Variants in RMDN3 observed in about 807,000 individuals in gnomAD.
RMDN3 encodes regulator of microtubule dynamics 3, also known as regulator of microtubule dynamics protein 3.
RMDN3 carries 41 observed loss-of-function variants against 61.8 expected under a neutral mutation model. The observed-to-expected ratio is 0.66, with a 90% CI of 0.52 to 0.86. The LOEUF is 0.86. Among genes scored for constraint, RMDN3 ranks in the 40% least tolerant of loss-of-function variants. The pLI is 0.00. For missense variants in RMDN3, 557 were observed against 585.3 expected (o/e 0.95, Z 0.50); for synonymous variants, 247 against 232.0 (o/e 1.06, Z -0.59).
At chr15:40,737,052 C>T in intron 12 of RMDN3, 72 bp downstream of exon 12, 7 of 1,202,088 alleles carry the variant, frequency 5.8e-6, no homozygotes, top group Non-Finnish European at 7.4e-6. Context: ...GGGGTTTCTC[C>T]ATGTTGGTCA....
chr15:40,736,207 C>T lies in RMDN3; in HGVS notation c.*334G>A, dbSNP rs1233515967. ...CAAGTTATGTGCTTTGTTCCTATAG[C>T]TTTGAAGTTCATCCACCTCACCAGC... On this transcript the variant is annotated 3_prime_UTR_variant, in exon 13 of 13. Transcript: ENST00000338376. The T allele has an allele frequency of 4.3e-5, 14 of 322,938 alleles. No homozygotes were observed. Among genetic ancestry groups the T allele is most frequent in the Middle Eastern group, 8.9e-4 (1 of 1,118 alleles). The allele number at this position is 322,938 out of a possible 1,614,324, so 20.0% of individuals were successfully genotyped here.
intron 4 of RMDN3, among the ~76,000 whole-genome samples, chr15:40,745,475 C>T (rs1050239996): frequency 1.5e-5 from 2 of 137,776 alleles, no homozygotes; most frequent in African/African-American, 5.5e-5. Context: ...TGCAGTGGTT[C>T]GATCTTGGCT....
Position 40,738,485 on chromosome 15 carries a change from A to G in RMDN3, c.1047+16T>C. ...GGATAGGCCAGCACAAGGAAGGAGGAAAAGCCTGTCCTCACCTTGAAGCTA... is the reference window on the plus strand; with the variant it reads ...GGATAGGCCAGCACAAGGAAGGAGGGAAAGCCTGTCCTCACCTTGAAGCTA... On this transcript the variant is annotated intron_variant, in intron 8 of 12. Transcript: ENST00000338376. 1 of 1,613,526 alleles carries G rather than the reference A, an allele frequency of 6.2e-7. No homozygotes were observed. The highest frequency in any genetic ancestry group is 8.5e-7 in the Non-Finnish European group (1 of 1,179,528).
At chr15:40,743,100 C>A (rs1057080764) in intron 6 of RMDN3, among the ~76,000 whole-genome samples, 5 of 152,266 alleles carry the variant, frequency 3.3e-5, no homozygotes, top group African/African-American at 9.6e-5. Flanking sequence ...GCTGTACTTA[C>A]AATAGAAAGG....
At chr15:40,749,155 G>C (rs575935695) in intron 4 of RMDN3, among the ~76,000 whole-genome samples, 75 of 151,920 alleles carry the variant, frequency 4.9e-4, no homozygotes, top group African/African-American at 1.8e-3. Flanking sequence ...TACCTGCCTT[G>C]GCCTCCCAAC....
At position 40,752,021 on chromosome 15, in the gene RMDN3, C is replaced by A. The variant is rs1164176966; in HGVS notation, c.345G>T (p.Leu115=). Residue 115 remains leucine, a synonymous_variant, in exon 3 of 13, where the codon CTG becomes CTT. Coordinates refer to ENST00000338376, the MANE Select transcript of RMDN3 (RefSeq NM_018145.3). ...CAACAATCTCCCCCGCAAGCCCTCGCAGGCTGCTTCTCAGCTCCTCCACCT... is the reference window on the plus strand; with the variant it reads ...CAACAATCTCCCCCGCAAGCCCTCGAAGGCTGCTTCTCAGCTCCTCCACCT... ...RREVEELRSS[L]RGLAGEIVGE... is the part of the protein sequence containing the mutation. 2 of 1,614,224 alleles carry A rather than the reference C, an allele frequency of 1.2e-6. No individual in the cohort carries two copies. The highest frequency in any genetic ancestry group is 1.7e-6 in the Non-Finnish European group (2 of 1,180,026).
In RMDN3 at chr15:40,737,190, T is replaced by C; in HGVS notation, c.1293A>G (p.Leu431=). Residue 431 remains leucine, a synonymous_variant, in exon 12 of 13, where the codon CTA becomes CTG. Transcript: ENST00000338376. The stretch of plus-strand genomic sequence containing the variant: ...ACCATCTAGCTTCAGAGTTTTTCCC[T>C]AGTTCTCTGTAGCACTGAAAAGAGA... The part of the protein sequence containing the change: ...RVYISKCYRE[L]GKNSEARWWM... 6.2e-7 allele frequency: 1 copy of C among 1,614,184 alleles called. No homozygotes were observed. The highest frequency in any genetic ancestry group is 8.5e-7 in the Non-Finnish European group (1 of 1,179,988).
intron 3 of RMDN3, 198 bp downstream of exon 3, chr15:40,751,788 A>G: frequency 1.2e-6 from 1 of 833,088 alleles, no homozygotes; most frequent in African/African-American, 1.7e-5. Flanking sequence ...AGCTGCTACA[A>G]CAGATCAACC....
chr15:40,754,746 C>G lies in RMDN3; in HGVS notation c.38G>C (p.Gly13Ala). The G allele has an allele frequency of 6.2e-7, 1 of 1,611,298 alleles. No homozygotes were observed. Among genetic ancestry groups the G allele is most frequent in the Non-Finnish European group, 8.5e-7 (1 of 1,178,890 alleles). ...GGCGGTACCCAGCAACAGTCCCAGC[C>G]CGGCACGGGCACCACCCAGGGCTCC... ...RLGALGGARA[G>A]LGLLLGTAAG... Residue 13 changes from glycine to alanine, a missense_variant, in exon 2 of 13, where the codon GGG becomes GCG. Transcript: ENST00000338376.
rs1318026740 is a variant in RMDN3 at position 40,752,187 on chromosome 15, G to A, written c.188-9C>T. ...AGCCCGCAGGAGCATCACTGAAGGG[G>A]GAAACGAATGGGAGCCAGTGACACA... On this transcript the variant is annotated splice_polypyrimidine_tract_variant and intron_variant, in intron 2 of 12. Coordinates refer to ENST00000338376, the MANE Select transcript of RMDN3 (RefSeq NM_018145.3). 2 of 1,609,152 alleles carry A rather than the reference G, an allele frequency of 1.2e-6. No homozygotes were observed. Among genetic ancestry groups the A allele is most frequent in the East Asian group, 2.2e-5 (1 of 44,746 alleles).
At chr15:40,747,030 C>T (rs934399504) in intron 4 of RMDN3, among the ~76,000 whole-genome samples, 3 of 152,204 alleles carry the variant, frequency 2.0e-5, no homozygotes, top group African/African-American at 7.2e-5. Context: ...AAAAATCAAA[C>T]CAGAGTCTCC....
chr15:40,740,299 G>C, intron 6 of RMDN3, 106 bp from the exon 7 acceptor site: 1 of 780,558 alleles, frequency 1.3e-6, no homozygotes, highest in Non-Finnish European at 2.2e-6. Flanking sequence ...TCCCTACCCA[G>C]CTTGGACTTG....
chr15:40,744,333 G>A, intron 5 of RMDN3, 184 bp from the exon 6 acceptor site: 1 of 590,658 alleles, frequency 1.7e-6, no homozygotes, highest in Non-Finnish European at 3.0e-6. Context: ...GTTAATGTAT[G>A]ACACATTCTC....
Position 40,736,598 on chromosome 15 carries a change from G to C in RMDN3, c.1360-4C>G. On this transcript the variant is annotated splice_polypyrimidine_tract_variant and splice_region_variant and intron_variant, in intron 12 of 12. Transcript: ENST00000338376. Reference sequence around the variant, plus strand: ...GGTCCTTCTGGATAGCCAAATCCTAGGGAGACAAAGAACAAATCTAGGGCT... The same window carrying C: ...GGTCCTTCTGGATAGCCAAATCCTACGGAGACAAAGAACAAATCTAGGGCT... 1.2e-6 allele frequency: 2 copies of C among 1,613,650 alleles called. No individual in the cohort carries two copies. The highest frequency in any genetic ancestry group is 2.2e-5 in the South Asian group (2 of 91,062).
At chr15:40,751,138 C>G (rs1041551238) in intron 4 of RMDN3, among the ~76,000 whole-genome samples, 1 of 152,230 alleles carries the variant, frequency 6.6e-6, no homozygotes, top group African/African-American at 2.4e-5. Context: ...CAAAGTCAAA[C>G]AATGCTTATC....
chr15:40,744,246 G>A, intron 5 of RMDN3, 97 bp from the exon 6 acceptor site: 1 of 1,140,038 alleles, frequency 8.8e-7, no homozygotes, highest in Non-Finnish European at 1.3e-6. Context: ...GAATTTCCAA[G>A]CTAGTATGTT....
At chr15:40,746,721 C>T (rs943251716) in intron 4 of RMDN3, among the ~76,000 whole-genome samples, 3 of 152,134 alleles carry the variant, frequency 2.0e-5, no homozygotes, top group African/African-American at 4.8e-5. Context: ...GTACCCAGTC[C>T]GTGCTGACTG....
chr15:40,752,092 C>T lies in RMDN3; in HGVS notation c.274G>A (p.Asp92Asn). ...LPREGQEKVL[D>N]RLDFVLTSLV... ...CTGGTCAGCACAAAGTCCAGGCGGTCCAGCACCTTCTCCTGTCCTTCCCGT... is the reference window on the plus strand; with the variant it reads ...CTGGTCAGCACAAAGTCCAGGCGGTTCAGCACCTTCTCCTGTCCTTCCCGT... Residue 92 changes from aspartate to asparagine, a missense_variant, in exon 3 of 13, where the codon GAC (aspartate) becomes AAC (asparagine). By Grantham distance (23) the Asp-to-Asn change is conservative (BLOSUM62 1). Coordinates refer to ENST00000338376, the MANE Select transcript of RMDN3 (RefSeq NM_018145.3). 6.2e-7 allele frequency: 1 copy of T among 1,614,214 alleles called. No individual in the cohort carries two copies. The highest frequency in any genetic ancestry group is 1.1e-5 in the South Asian group (1 of 91,088).
In RMDN3 at chr15:40,737,118, C is replaced by T; in HGVS notation, c.1359+6G>A. The T allele has an allele frequency of 6.2e-7, 1 of 1,613,350 alleles. No individual in the cohort carries two copies. Among genetic ancestry groups the T allele is most frequent in the Non-Finnish European group, 8.5e-7 (1 of 1,179,290 alleles). On this transcript the variant is annotated splice_donor_region_variant and intron_variant, in intron 12 of 12. Coordinates refer to ENST00000338376, the MANE Select transcript of RMDN3 (RefSeq NM_018145.3). Reference sequence around the variant, plus strand: ...CTGCCCAACAGGCAGTATTAAAAAGCCTTACCTCCTTCGTGACATCTGGCA... The same window carrying T: ...CTGCCCAACAGGCAGTATTAAAAAGTCTTACCTCCTTCGTGACATCTGGCA...
Sources: allele counts gnomAD v4.1 joint callset (sites outside exome capture counted in the v4.1 genomes callset), GRCh38; gene constraint gnomAD v4.1.1; transcripts MANE v1.5; gene names NCBI Gene and HGNC (gene_info 2026-07-23, HGNC 2026-07-21).